EIF5A2: variants seen among roughly 807,000 people sequenced by gnomAD.
EIF5A2 encodes eukaryotic translation initiation factor 5A2, also known as eukaryotic translation initiation factor 5A-2.
In EIF5A2, 15 loss-of-function variants were observed where a neutral mutation model predicts 16.4. The observed-to-expected ratio is 0.92, with a 90% CI of 0.61 to 1.41. EIF5A2 has a LOEUF of 1.41. Ranked by LOEUF, EIF5A2 falls within the 40% of genes most tolerant of loss-of-function variation. EIF5A2 has a pLI of 0.00. For missense variants in EIF5A2, 144 were observed against 189.5 expected (o/e 0.76, Z 1.41); for synonymous variants, 48 against 61.1 (o/e 0.79, Z 1.00).
At chr3:170,903,389 A>G (rs577015414) in intron 3 of EIF5A2, among the ~76,000 whole-genome samples, 1 of 152,332 alleles carries the variant, frequency 6.6e-6, no homozygotes, top group East Asian at 1.9e-4. Flanking sequence ...TGAAGACTCA[A>G]ATATGGCACC....
At chr3:170,903,334 G>A (rs754702202) in intron 3 of EIF5A2, among the ~76,000 whole-genome samples, 3 of 152,180 alleles carry the variant, frequency 2.0e-5, no homozygotes, top group Admixed American at 6.5e-5. Flanking sequence ...GCTGGCTCAC[G>A]TACCCTATCA....
intron 3 of EIF5A2, among the ~76,000 whole-genome samples, chr3:170,906,400 A>C (rs1235682729): frequency 1.3e-5 from 2 of 152,214 alleles, no homozygotes; most frequent in African/African-American, 4.8e-5. Flanking sequence ...ATTTAGCAAA[A>C]GGTCATAGCA....
At chr3:170,907,307 C>T (rs940791665) in intron 2 of EIF5A2, among the ~76,000 whole-genome samples, 6 of 152,020 alleles carry the variant, frequency 3.9e-5, no homozygotes, top group Non-Finnish European at 8.8e-5. Flanking sequence ...CCAATATAGA[C>T]CAGTGATTCA....
Position 170,894,343 on chromosome 3 carries a change from A to C in EIF5A2, c.351T>G (p.Gly117=), listed in dbSNP as rs141670906. 1.9e-4 allele frequency: 311 copies of C among 1,613,800 alleles called. No individual in the cohort carries two copies. Among genetic ancestry groups the C allele is most frequent in the Non-Finnish European group, 2.4e-4 (281 of 1,179,940 alleles). The part of the protein sequence containing the change: ...EVREDLKLPE[G]ELGKEIEGKY... ...TTCCCTCTATTTCTTTGCCTAGTTC[A>C]CCTTCTGGCAGTTTAAGATCCTCAC... The change falls in exon 4 of 5, where the codon GGT becomes GGG. Residue 117 remains glycine, a synonymous_variant. Coordinates refer to ENST00000295822, the MANE Select transcript of EIF5A2 (RefSeq NM_020390.6).
At chr3:170,897,840 T>C (rs1323389771) in intron 3 of EIF5A2, among the ~76,000 whole-genome samples, 5 of 152,180 alleles carry the variant, frequency 3.3e-5, no homozygotes, top group African/African-American at 4.8e-5. Context: ...GTGTACCATG[T>C]GCCTGGAAAA....
At chr3:170,905,240 A>G (rs1327613324) in intron 3 of EIF5A2, among the ~76,000 whole-genome samples, 1 of 152,224 alleles carries the variant, frequency 6.6e-6, no homozygotes, top group Non-Finnish European at 1.5e-5. Context: ...ATGGCTTGTC[A>G]TTGTTACTAG....
chr3:170,893,952 A>C (rs1712600919), intron 4 of EIF5A2, among the ~76,000 whole-genome samples: 1 of 151,266 alleles, frequency 6.6e-6, no homozygotes, highest in Non-Finnish European at 1.5e-5. Context: ...AATCGCTTGA[A>C]CCTGGGACGC....
At chr3:170,896,536 C>T (rs1712677432) in intron 3 of EIF5A2, among the ~76,000 whole-genome samples, 1 of 152,132 alleles carries the variant, frequency 6.6e-6, no homozygotes, top group Non-Finnish European at 1.5e-5. Context: ...TAGCAGTTCC[C>T]CCCTCACTTG....
At chr3:170,904,999 A>G (rs1490633825) in intron 3 of EIF5A2, among the ~76,000 whole-genome samples, 4 of 152,226 alleles carry the variant, frequency 2.6e-5, no homozygotes, top group Admixed American at 2.6e-4. Flanking sequence ...TCATCCTCTT[A>G]TCCACTTTGC....
At chr3:170,906,230 G>C (rs141573799) in intron 3 of EIF5A2, among the ~76,000 whole-genome samples, 1 of 152,222 alleles carries the variant, frequency 6.6e-6, no homozygotes, top group East Asian at 1.9e-4. Flanking sequence ...AGAAATTGAA[G>C]ACTTTCAAGA....
rs1712482565 is a variant in EIF5A2, at chr3:170,889,669, T to G, written c.*3691A>C. ...TTCTCATAGTAAATGCGTTCCTAGT[T>G]CATATTACAGAATTCAGTATGTAAA... On this transcript the variant is annotated 3_prime_UTR_variant, in exon 5 of 5. Coordinates refer to ENST00000295822, the MANE Select transcript of EIF5A2 (RefSeq NM_020390.6). 6.6e-6 allele frequency: 1 copy of G among 152,566 alleles called. No individual in the cohort carries two copies. The highest frequency in any genetic ancestry group is 1.5e-5 in the Non-Finnish European group (1 of 67,976). 9.5% of individuals were successfully genotyped at this position (152,566 alleles called of 1,614,324 possible). A position where few individuals can be genotyped will look rare whatever the true frequency, so the allele number is the denominator to read the frequency against.
intron 3 of EIF5A2, among the ~76,000 whole-genome samples, chr3:170,896,600 C>T (rs1022560420): frequency 2.6e-5 from 4 of 152,156 alleles, no homozygotes; most frequent in African/African-American, 9.7e-5. Context: ...CGCCTTCTGC[C>T]GTGGTTCCTG....
At chr3:170,901,887 G>A (rs1478888838) in intron 3 of EIF5A2, among the ~76,000 whole-genome samples, 1 of 152,064 alleles carries the variant, frequency 6.6e-6, no homozygotes, top group Non-Finnish European at 1.5e-5. Flanking sequence ...CTTCCTTAGA[G>A]TTGCTGGTCC....
Position 170,892,997 on chromosome 3 carries a change from A to G in EIF5A2, c.*363T>C, listed in dbSNP as rs1712572741. 2 of 406,638 alleles carry G rather than the reference A, an allele frequency of 4.9e-6. No individual in the cohort carries two copies. The highest frequency in any genetic ancestry group is 8.6e-6 in the Non-Finnish European group (2 of 231,754). The allele number at this position is 406,638 out of a possible 1,614,324, so 25.2% of individuals were successfully genotyped here. A position where few individuals can be genotyped will look rare whatever the true frequency, so the allele number is the denominator to read the frequency against. On this transcript the variant is annotated 3_prime_UTR_variant, in exon 5 of 5. Transcript: ENST00000295822. ...AGTTCAACTTAAATATGGTACTTCA[A>G]TACCACTTTATGCTACATTGTTTGA...
Position 170,907,635 on chromosome 3 carries a change from T to C in EIF5A2, c.165+7A>G, listed in dbSNP as rs1232104841. ...GAAGCCAAAGCCTGATCTGCAAGGG[T>C]ACTTACCTTGGCATGACCATGCTTT... On this transcript the variant is annotated splice_region_variant and intron_variant, in intron 2 of 4. Transcript: ENST00000295822. 2.5e-6 allele frequency: 4 copies of C among 1,586,454 alleles called. No homozygotes were observed. In the African/African-American group the frequency reaches 5.4e-5, roughly 21 times the overall value.
intron 3 of EIF5A2, among the ~76,000 whole-genome samples, chr3:170,902,423 G>A (rs1475290689): frequency 4.1e-5 from 1 of 24,396 alleles, no homozygotes; most frequent in South Asian, 1.2e-3. Flanking sequence ...TTTTTTTTTT[G>A]AGACCGAGTC....
At chr3:170,907,549 A>C in intron 2 of EIF5A2, 93 bp downstream of exon 2, 1 of 1,370,470 alleles carries the variant, frequency 7.3e-7, no homozygotes, top group Non-Finnish European at 9.6e-7. Context: ...TTATTACAAA[A>C]TTTTAAGTAT....
rs1042552808 is a variant in EIF5A2, at chr3:170,892,838, A to C, written c.*522T>G. The C allele has an allele frequency of 5.0e-6, 2 of 398,960 alleles. No individual in the cohort carries two copies. The highest frequency in any genetic ancestry group is 4.1e-5 in the African/African-American group (2 of 48,630). 24.7% of individuals were successfully genotyped at this position (398,960 alleles called of 1,614,324 possible). ...AGTAATCACATGGTTGCATGTGGCC[A>C]CCAAAATAACTGACAGTTTTTGATA... On this transcript the variant is annotated 3_prime_UTR_variant, in exon 5 of 5. Coordinates refer to ENST00000295822, the MANE Select transcript of EIF5A2 (RefSeq NM_020390.6).
At chr3:170,899,046 C>A (rs1002478244) in intron 3 of EIF5A2, among the ~76,000 whole-genome samples, 10 of 152,078 alleles carry the variant, frequency 6.6e-5, no homozygotes, top group African/African-American at 2.4e-4. Flanking sequence ...ATATTGATAA[C>A]CTATTATTCA....
Sources: allele counts gnomAD v4.1 joint callset (sites outside exome capture counted in the v4.1 genomes callset), GRCh38; gene constraint gnomAD v4.1.1; transcripts MANE v1.5; gene names NCBI Gene and HGNC (gene_info 2026-07-23, HGNC 2026-07-21).